The following PSD3 variants were observed in gnomAD, a reference collection of about 807,000 sequenced individuals.
PSD3 encodes PH and SEC7 domain-containing protein 3.
In PSD3, 49 loss-of-function variants were observed where a neutral mutation model predicts 105.5. That is an observed-to-expected ratio of 0.46 (90% CI 0.37 to 0.59). The LOEUF (loss-of-function observed/expected upper bound fraction) is 0.59. Among genes scored for constraint, PSD3 ranks in the 20% least tolerant of loss-of-function variants. PSD3 has a pLI of 0.00. For synonymous variants in PSD3, 557 were observed against 457.8 expected, an observed-to-expected ratio of 1.22 and a Z score of -2.77; for missense variants, 1,561 against 1,263.8, an observed-to-expected ratio of 1.24 and a Z score of -3.57.
chr8:18,904,942 G>C (rs1033240064), intron 2 of PSD3, among the ~76,000 whole-genome samples: 1 of 152,146 alleles, frequency 6.6e-6, no homozygotes, highest in Non-Finnish European at 1.5e-5. Context: ...TTGCAATCTG[G>C]CTACTAACTC....
At chr8:18,777,106 G>A (rs538298517) in intron 8 of PSD3, among the ~76,000 whole-genome samples, 74 of 152,134 alleles carry the variant, frequency 4.9e-4, no homozygotes, top group African/African-American at 1.7e-3. Flanking sequence ...GCAGTGGAAC[G>A]ATCTTGGCTC....
Position 18,974,457 on chromosome 8 carries a change from G to C in PSD3, c.22-38315C>G, listed in dbSNP as rs77216844. On this transcript the variant is annotated intron_variant, in intron 1 of 15. Coordinates refer to ENST00000327040, the MANE Select transcript of PSD3 (RefSeq NM_015310.4). ...TAGAATGCAGACACTGCCTTTAAGA[G>C]AGAAAAAGACGCAAGGAGAGCAAAT... is the stretch of plus-strand genomic sequence containing the variant. 3.9e-4 allele frequency among the ~76,000 whole-genome samples: 60 copies of C among 152,254 alleles called. 1 individual carries two copies. The East Asian group carries it at 0.011, about 27-fold the overall frequency.
intron 1 of PSD3, among the ~76,000 whole-genome samples, chr8:19,046,354 C>T (rs989501483): frequency 1.3e-5 from 2 of 152,190 alleles, no homozygotes; most frequent in African/African-American, 4.8e-5. Flanking sequence ...TCGTGATCTG[C>T]CCGCCTCAGC....
At chr8:18,978,362 T>C (rs1234726532) in intron 1 of PSD3, among the ~76,000 whole-genome samples, 8 of 152,230 alleles carry the variant, frequency 5.3e-5, no homozygotes, top group African/African-American at 7.2e-5. Flanking sequence ...TCTCTTACTA[T>C]GTCCAGCTCT....
intron 12 of PSD3, among the ~76,000 whole-genome samples, chr8:18,581,561 A>C (rs1178435219): frequency 6.6e-6 from 1 of 152,216 alleles, no homozygotes; most frequent in Non-Finnish European, 1.5e-5. Context: ...GTTGTATATC[A>C]CAAGCTCTAT....
chr8:18,997,586 C>A (rs1826147346), intron 1 of PSD3, among the ~76,000 whole-genome samples: 1 of 152,012 alleles, frequency 6.6e-6, no homozygotes, highest in Non-Finnish European at 1.5e-5. Flanking sequence ...ACAGGCTTCT[C>A]TGCTCACTCT....
At chr8:18,910,422 G>C (rs1401405334) in intron 2 of PSD3, among the ~76,000 whole-genome samples, 1 of 115,270 alleles carries the variant, frequency 8.7e-6, no homozygotes, top group East Asian at 2.4e-4. Flanking sequence ...TCACTCATAG[G>C]TGGGAATTGA....
chr8:18,991,324 T>G (rs534948433), intron 1 of PSD3, among the ~76,000 whole-genome samples: 1 of 150,314 alleles, frequency 6.7e-6, no homozygotes, highest in East Asian at 1.9e-4. Context: ...GACAATAATC[T>G]TGGGCAACAG....
At chr8:18,649,510 A>C (rs972851510) in intron 10 of PSD3, among the ~76,000 whole-genome samples, 5 of 152,178 alleles carry the variant, frequency 3.3e-5, no homozygotes, top group African/African-American at 1.2e-4. Flanking sequence ...TTAATTTTAC[A>C]GGCTCATAGG....
chr8:18,838,045 A>G (rs1409663083), intron 4 of PSD3, among the ~76,000 whole-genome samples: 1 of 152,198 alleles, frequency 6.6e-6, no homozygotes, highest in Non-Finnish European at 1.5e-5. Context: ...TCTACTAAAG[A>G]ACATAATTAT....
chr8:18,816,660 G>T (rs1259005926), intron 4 of PSD3, among the ~76,000 whole-genome samples: 1 of 152,184 alleles, frequency 6.6e-6, no homozygotes, highest in African/African-American at 2.4e-5. Flanking sequence ...GTGCAGCCTT[G>T]CCCTTGTGGA....
At chr8:18,570,400 T>C (rs1312315165) in intron 14 of PSD3, among the ~76,000 whole-genome samples, 2 of 107,464 alleles carry the variant, frequency 1.9e-5, no homozygotes, top group African/African-American at 3.4e-5. Flanking sequence ...ATTCAGGACA[T>C]AGGCATGGGC....
At chr8:18,953,213 T>G (rs77590974) in intron 1 of PSD3, among the ~76,000 whole-genome samples, 3 of 152,300 alleles carry the variant, frequency 2.0e-5, no homozygotes, top group Non-Finnish European at 2.9e-5. Context: ...ACAATCAATT[T>G]TGAAAGGCTA....
intron 9 of PSD3, among the ~76,000 whole-genome samples, chr8:18,660,834 C>T (rs142513124): frequency 3.9e-5 from 6 of 152,280 alleles, no homozygotes; most frequent in African/African-American, 1.2e-4. Flanking sequence ...ATACCTCTCT[C>T]GACACTAGCC....
chr8:19,048,703 G>C (rs570003523), intron 1 of PSD3, among the ~76,000 whole-genome samples: 1 of 152,290 alleles, frequency 6.6e-6, no homozygotes, highest in African/African-American at 2.4e-5. Flanking sequence ...AACTGTCACT[G>C]TTAGAATCCA....
At chr8:18,898,637 T>C (rs954855787) in intron 2 of PSD3, among the ~76,000 whole-genome samples, 4 of 152,214 alleles carry the variant, frequency 2.6e-5, no homozygotes, top group Non-Finnish European at 5.9e-5. Context: ...AAATAGGGAA[T>C]GGACACATAT....
intron 4 of PSD3, among the ~76,000 whole-genome samples, chr8:18,832,404 C>G (rs1813750581): frequency 6.6e-6 from 1 of 151,992 alleles, no homozygotes; most frequent in Non-Finnish European, 1.5e-5. Flanking sequence ...AGATTCACAT[C>G]AGGATAAAAC....
intron 2 of PSD3, among the ~76,000 whole-genome samples, chr8:18,913,773 G>T (rs1820399771): frequency 6.6e-6 from 1 of 151,974 alleles, no homozygotes; most frequent in African/African-American, 2.4e-5. Context: ...CCAGGTACCA[G>T]GATGGTCCCC....
At position 18,867,990 on chromosome 8, in the gene PSD3, C is replaced by A. The variant is rs765292268; in HGVS notation, c.1318G>T (p.Val440Leu). The change falls in exon 4 of 16, where the codon GTG becomes TTG. Residue 440 changes from valine (V) to leucine (L), a missense_variant. Physicochemically the swap from Val to Leu is conservative, Grantham distance 32 (BLOSUM62 1). Transcript: ENST00000327040. The stretch of plus-strand genomic sequence containing the variant: ...ATGGTTTCAAACTGGGAGCTGTACA[C>A]GTCGGTGGAGTCCTCCGTATATCCA... The part of the protein sequence containing the change: ...GPGYTEDSTD[V>L]YSSQFETILD... 8.1e-6 allele frequency: 13 copies of A among 1,614,144 alleles called. No homozygotes were observed. Among genetic ancestry groups the A allele is most frequent in the Admixed American group, 5.0e-5 (3 of 60,024 alleles).
Sources: allele counts gnomAD v4.1 joint callset (sites outside exome capture counted in the v4.1 genomes callset), GRCh38; gene constraint gnomAD v4.1.1; transcripts MANE v1.5; gene names NCBI Gene and HGNC (gene_info 2026-07-23, HGNC 2026-07-21).